Variants in FNIP1 observed in about 807,000 individuals in gnomAD.
FNIP1 encodes folliculin-interacting protein 1.
In FNIP1, 40 loss-of-function variants were observed where a neutral mutation model predicts 124.5. The observed-to-expected ratio is 0.32, with a 90% CI of 0.25 to 0.42. The LOEUF is 0.42. Among genes scored for constraint, FNIP1 ranks in the 10% least tolerant of loss-of-function variants. The pLI is 1.00. For synonymous variants in FNIP1, 472 were observed against 470.6 expected (o/e 1.00, Z -0.04); for missense variants, 1,176 against 1,403.7 (o/e 0.84, Z 2.59).
In FNIP1 at chr5:131,709,194, A is replaced by G. The variant is rs1769210736; in HGVS notation, c.778+7T>C. The G allele has an allele frequency of 6.2e-7, 1 of 1,612,162 alleles. No individual in the cohort carries two copies. Among genetic ancestry groups the G allele is most frequent in the Admixed American group, 1.7e-5 (1 of 59,928 alleles). ...ATAAAAAACTGAATACAAGAACGTG[A>G]CATTACCAGACCGTGCTATGCCACT... On this transcript the variant is annotated splice_region_variant and intron_variant, in intron 8 of 17. Coordinates refer to ENST00000510461, the MANE Select transcript of FNIP1 (RefSeq NM_133372.3).
intron 15 of FNIP1, among the ~76,000 whole-genome samples, chr5:131,657,601 G>A (rs1767234959): frequency 6.6e-6 from 1 of 151,998 alleles, no homozygotes; most frequent in East Asian, 1.9e-4. Flanking sequence ...TGCCATTGCT[G>A]TTACAGAAAA....
rs578236672 is a variant in FNIP1, at chr5:131,644,891, A to G, written c.3423-128T>C. 13 of 767,314 alleles carry G rather than the reference A, an allele frequency of 1.7e-5. No homozygotes were observed. In the South Asian group the frequency reaches 2.2e-4, roughly 13 times the overall value. The allele number at this position is 767,314 out of a possible 1,614,324, so 47.5% of individuals were successfully genotyped here. On this transcript the variant is annotated intron_variant, in intron 17 of 17. Transcript: ENST00000510461. ...TTAAGGAGCTAGGCCACTCTGGCCG[A>G]AAGGAAAAATTCTCAGTAAATAAAA...
rs78843957 is a variant in FNIP1, at chr5:131,654,107, A to G, written c.3109-2108T>C. 3.7e-3 allele frequency among the ~76,000 whole-genome samples: 560 copies of G among 152,368 alleles called. 1 individual carries two copies. Among genetic ancestry groups the G allele is most frequent in the Non-Finnish European group, 6.0e-3 (408 of 68,032 alleles). On this transcript the variant is annotated intron_variant, in intron 15 of 17. Coordinates refer to ENST00000510461, the MANE Select transcript of FNIP1 (RefSeq NM_133372.3). The stretch of plus-strand genomic sequence containing the variant: ...TAAAAATGTTAAGACAGTGAAAAAT[A>G]ATATTTTGACTCATATATACATAGT...
intron 8 of FNIP1, among the ~76,000 whole-genome samples, chr5:131,708,055 G>C (rs940680999): frequency 2.6e-5 from 4 of 152,062 alleles, no homozygotes; most frequent in African/African-American, 9.7e-5. Context: ...AAAAACACAA[G>C]CTACTCTTAT....
chr5:131,770,428 A>G lies in FNIP1; in HGVS notation c.93-25738T>C, dbSNP rs190090947. ...GTGGGTTTGTATTTTAATATGTATC[A>G]GCATGTTCTTTTAGAAAAACCAAGG... On this transcript the variant is annotated intron_variant, in intron 1 of 17. Transcript: ENST00000510461. 1.2e-3 allele frequency among the ~76,000 whole-genome samples: 181 copies of G among 152,342 alleles called. 1 individual carries two copies. The highest frequency in any genetic ancestry group is 4.2e-3 in the African/African-American group (174 of 41,582).
chr5:131,737,005 G>C (rs1420618461), intron 2 of FNIP1, among the ~76,000 whole-genome samples: 1 of 152,186 alleles, frequency 6.6e-6, no homozygotes, highest in Non-Finnish European at 1.5e-5. Flanking sequence ...CCTAGTTATA[G>C]AAAGCCAGTT....
At chr5:131,770,967 T>C (rs977538664) in intron 1 of FNIP1, among the ~76,000 whole-genome samples, 1 of 152,208 alleles carries the variant, frequency 6.6e-6, no homozygotes, top group Non-Finnish European at 1.5e-5. Flanking sequence ...CTTTAAGTTT[T>C]AGGGTACATG....
chr5:131,717,420 C>G (rs142258163), intron 5 of FNIP1, among the ~76,000 whole-genome samples: 1 of 152,006 alleles, frequency 6.6e-6, no homozygotes, highest in Non-Finnish European at 1.5e-5. Flanking sequence ...CAAGTCTTTG[C>G]GCCAAAAAAT....
chr5:131,662,733 ATTTTTTTTTTTTTT>A (rs34051607), intron 15 of FNIP1, among the ~76,000 whole-genome samples: 1 of 76,950 alleles, frequency 1.3e-5, no homozygotes, highest in East Asian at 3.4e-4. Context: ...GATATTCTAG[ATTTTTTTTTTTTTT>A]TTTTTTTTTT....
chr5:131,706,173 G>A (rs1047152564), intron 9 of FNIP1, among the ~76,000 whole-genome samples: 2 of 152,116 alleles, frequency 1.3e-5, no homozygotes, highest in African/African-American at 4.8e-5. Flanking sequence ...GGTGATGATG[G>A]TTGCACAACA....
At chr5:131,670,437 AC>A (rs1234904272) in intron 15 of FNIP1, 25 bp downstream of exon 15, 2 of 1,519,180 alleles carry the variant, frequency 1.3e-6, no homozygotes, top group Non-Finnish European at 1.8e-6. Context: ...TTCTAAATAA[AC>A]TCAAAAACAG....
chr5:131,684,571 C>T (rs1402470880), intron 11 of FNIP1, among the ~76,000 whole-genome samples: 1 of 152,158 alleles, frequency 6.6e-6, no homozygotes, highest in Non-Finnish European at 1.5e-5. Flanking sequence ...TTATAACTCG[C>T]ATGCTGTAAA....
At chr5:131,702,520 T>C (rs769737832) in intron 10 of FNIP1, among the ~76,000 whole-genome samples, 3 of 152,170 alleles carry the variant, frequency 2.0e-5, no homozygotes, top group Non-Finnish European at 2.9e-5. Context: ...TGTGTTCCCT[T>C]TGGGTGGCAA....
Position 131,719,387 on chromosome 5 carries a change from G to A in FNIP1, c.385C>T (p.Leu129Phe). The change falls in exon 4 of 18, where the codon CTT becomes TTT. Residue 129 changes from leucine to phenylalanine, a missense_variant. By Grantham distance (22) the Leu-to-Phe change is conservative. Around this residue, in one of 2 missense-constraint regions of FNIP1, gnomAD observed 1,109 missense variants for 1,288.5 expected, o/e 0.86. Coordinates refer to ENST00000510461, the MANE Select transcript of FNIP1 (RefSeq NM_133372.3). ...GSRCSSDANM[L>F]GEMMFGSVAM... is the part of the protein sequence containing the mutation. ...ACTGAGCCAAACATCATCTCTCCAA[G>A]CATATTGGCATCAGAAGAGCACCGA... is the stretch of plus-strand genomic sequence containing the variant. 1 of 1,612,986 alleles carries A rather than the reference G, an allele frequency of 6.2e-7. No individual in the cohort carries two copies. The highest frequency in any genetic ancestry group is 1.3e-5 in the African/African-American group (1 of 74,840).
intron 1 of FNIP1, among the ~76,000 whole-genome samples, chr5:131,756,075 A>G (rs1269250310): frequency 6.6e-6 from 1 of 152,186 alleles, no homozygotes; most frequent in Non-Finnish European, 1.5e-5. Context: ...ATGTTGCAGA[A>G]AGACCAAAAT....
chr5:131,697,127 C>T (rs532336636), intron 11 of FNIP1, among the ~76,000 whole-genome samples: 1 of 151,998 alleles, frequency 6.6e-6, no homozygotes, highest in Non-Finnish European at 1.5e-5. Context: ...GATGTGATGG[C>T]CCATTTAAAC....
intron 13 of FNIP1, 96 bp downstream of exon 13, chr5:131,677,607 A>C: frequency 8.3e-7 from 1 of 1,204,764 alleles, no homozygotes. Flanking sequence ...TGCAGGAGGT[A>C]AAAGCATTTT....
At chr5:131,727,879 C>A (rs1236801061) in intron 3 of FNIP1, among the ~76,000 whole-genome samples, 1 of 152,200 alleles carries the variant, frequency 6.6e-6, no homozygotes, top group African/African-American at 2.4e-5. Flanking sequence ...CTGATGGTGA[C>A]AAAGTCTCTC....
At chr5:131,785,428 G>A (rs1046912845) in intron 1 of FNIP1, among the ~76,000 whole-genome samples, 3 of 151,860 alleles carry the variant, frequency 2.0e-5, no homozygotes, top group Non-Finnish European at 4.4e-5. Context: ...GATGGCAGGC[G>A]CCTGTAATCC....
Sources: allele counts gnomAD v4.1 joint callset (sites outside exome capture counted in the v4.1 genomes callset), GRCh38; gene constraint gnomAD v4.1.1; regional missense constraint gnomAD v4.1.1; transcripts MANE v1.5; gene names NCBI Gene and HGNC (gene_info 2026-07-23, HGNC 2026-07-21).